The following OR2B11 variants were observed in gnomAD, a reference collection of about 807,000 sequenced individuals.
OR2B11 encodes the protein olfactory receptor 2B11.
For missense variants in OR2B11, 422 were observed against 400.0 expected (o/e 1.05, Z -0.47); for synonymous variants, 198 against 174.5 (o/e 1.13, Z -1.06).
At position 247,451,945 on chromosome 1, in the gene OR2B11, G is replaced by A. The variant is rs1664858265; in HGVS notation, c.38C>T (p.Pro13Leu). 9 of 1,589,440 alleles carry A rather than the reference G, an allele frequency of 5.7e-6. No homozygotes were observed. Among genetic ancestry groups the A allele is most frequent in the African/African-American group, 1.4e-5 (1 of 70,956 alleles). Residue 13 changes from proline to leucine, a missense_variant, in exon 2 of 2, where the codon CCT becomes CTT. Physicochemically the swap from Pro to Leu is moderately conservative, Grantham distance 98 (BLOSUM62 -3). Coordinates refer to ENST00000641149, the MANE Select transcript of OR2B11 (RefSeq NM_001004492.2). The part of the protein sequence containing the change: ...SDNHSFLGDS[P>L]KAFILLGVSD... ...CACACCCAGAAGGATGAAGGCTTTAGGGGAGTCCCCTAAGAAGCTATGGTT... is the reference window on the plus strand; with the variant it reads ...CACACCCAGAAGGATGAAGGCTTTAAGGGAGTCCCCTAAGAAGCTATGGTT...
rs1329216156 is a variant in OR2B11 at position 247,450,102 on chromosome 1, C to T, written c.*927G>A. On this transcript the variant is annotated 3_prime_UTR_variant, in exon 2 of 2. Coordinates refer to ENST00000641149, the MANE Select transcript of OR2B11 (RefSeq NM_001004492.2). ...CTCCCGGGTTCAAGCAATTCTCTGC[C>T]TCAGCCTCCTGAGTAGCTGGGATTA... 6.6e-6 allele frequency: 1 copy of T among 152,286 alleles called. No individual in the cohort carries two copies. Among genetic ancestry groups the T allele is most frequent in the East Asian group, 1.9e-4 (1 of 5,200 alleles). The allele number at this position is 152,286 out of a possible 1,614,324, so 9.4% of individuals were successfully genotyped here. A position where few individuals can be genotyped will look rare whatever the true frequency, so the allele number is the denominator to read the frequency against.
Position 247,451,184 on chromosome 1 carries a change from G to A in OR2B11, c.799C>T (p.Pro267Ser). The change falls in exon 2 of 2, where the codon CCT becomes TCT. Residue 267 changes from proline (P) to serine (S), a missense_variant. By Grantham distance (74) the Pro-to-Ser change is moderately conservative. Transcript: ENST00000641149. ...CCCTGCTCTTGGGAGTAGCTGGAAG[G>A]GGGCTGCAGATACATGTAAATCGCA... ...LPAIYMYLQP[P>S]SSYSQEQGKF... is the part of the protein sequence containing the mutation. 6.4e-7 allele frequency: 1 copy of A among 1,560,012 alleles called. No homozygotes were observed. The highest frequency in any genetic ancestry group is 1.2e-5 in the South Asian group (1 of 82,158).
In OR2B11 at chr1:247,451,298, C is replaced by G. The variant is rs1180740559; in HGVS notation, c.685G>C (p.Val229Leu). 1.2e-6 allele frequency: 2 copies of G among 1,614,010 alleles called. No homozygotes were observed. The highest frequency in any genetic ancestry group is 1.3e-5 in the African/African-American group (1 of 74,928). ...CCCTTGGAGGACTGGATCCTGAGCA[C>G]TGCCCGGGCAATAAAGCCATAGGAG... ...LLSYGFIARA[V>L]LRIQSSKGRH... The change falls in exon 2 of 2, where the codon GTG (valine) becomes CTG (leucine). Residue 229 changes from valine (V) to leucine (L), a missense_variant. Physicochemically the swap from Val to Leu is conservative, Grantham distance 32. Coordinates refer to ENST00000641149, the MANE Select transcript of OR2B11 (RefSeq NM_001004492.2).
rs1392040176 is a variant in OR2B11, at chr1:247,450,559, A to G, written c.*470T>C. ...AAAATCAAAATCACAGGAAGAAGAT[A>G]GCAATCTACTTCATTCCTGGAATTG... On this transcript the variant is annotated 3_prime_UTR_variant, in exon 2 of 2. Transcript: ENST00000641149. The G allele has an allele frequency of 6.6e-6, 1 of 152,526 alleles. No individual in the cohort carries two copies. The highest frequency in any genetic ancestry group is 1.5e-5 in the Non-Finnish European group (1 of 68,218). The allele number at this position is 152,526 out of a possible 1,614,324, so 9.4% of individuals were successfully genotyped here.
chr1:247,457,334 G>C (rs879755537), intron 1 of OR2B11, among the ~76,000 whole-genome samples: 6 of 152,058 alleles, frequency 3.9e-5, no homozygotes, highest in Admixed American at 3.9e-4. Context: ...GGAGGAAGCG[G>C]AGGAAAGGGA....
Position 247,451,971 on chromosome 1 carries a change from G to T in OR2B11, c.12C>A (p.Asp4Glu). The change falls in exon 2 of 2, where the codon GAC becomes GAA. Residue 4 changes from aspartate (D) to glutamate (E), a missense_variant. By Grantham distance (45) the Asp-to-Glu change is conservative (BLOSUM62 2). Coordinates refer to ENST00000641149, the MANE Select transcript of OR2B11 (RefSeq NM_001004492.2). MKS[D>E]NHSFLGDSPK... ...GGGAGTCCCCTAAGAAGCTATGGTT[G>T]TCACTTTTCATGTTGCGGCATTTTC... The T allele has an allele frequency of 6.2e-7, 1 of 1,602,394 alleles. No homozygotes were observed. The highest frequency in any genetic ancestry group is 8.5e-7 in the Non-Finnish European group (1 of 1,170,324).
In OR2B11 at chr1:247,451,700, T is replaced by C; in HGVS notation, c.283A>G (p.Thr95Ala). 3.1e-6 allele frequency: 5 copies of C among 1,614,116 alleles called. No individual in the cohort carries two copies. The highest frequency in any genetic ancestry group is 4.2e-6 in the Non-Finnish European group (5 of 1,179,974). ...ACAGTGCAGCCTCCATAGCTGATGG[T>C]CTTCTGGGAACTGCCCATGTTGACC... ...MLVNMGSSQK[T>A]ISYGGCTVQY... Residue 95 changes from threonine to alanine, a missense_variant, in exon 2 of 2, where the codon ACC becomes GCC. Coordinates refer to ENST00000641149, the MANE Select transcript of OR2B11 (RefSeq NM_001004492.2).
Position 247,451,038 on chromosome 1 carries a change from G to A in OR2B11, c.945C>T (p.Leu315=). 6.7e-7 allele frequency: 1 copy of A among 1,490,318 alleles called. No individual in the cohort carries two copies. The highest frequency in any genetic ancestry group is 9.0e-7 in the Non-Finnish European group (1 of 1,116,740). The allele number at this position is 1,490,318 out of a possible 1,614,324, so 92.3% of individuals were successfully genotyped here. A position where few individuals can be genotyped will look rare whatever the true frequency, so the allele number is the denominator to read the frequency against. Residue 315 remains leucine (L), a synonymous_variant, in exon 2 of 2, where the codon CTC becomes CTT. Transcript: ENST00000641149. ...LRRLLARIWR[L]CG ...ACATCTCATGTCCTCATCATCCACAGAGCCTCCAGATCCTGGCCAGAAGTC... is the reference window on the plus strand; with the variant it reads ...ACATCTCATGTCCTCATCATCCACAAAGCCTCCAGATCCTGGCCAGAAGTC...
Position 247,451,234 on chromosome 1 carries a change from A to G in OR2B11, c.749T>C (p.Met250Thr), listed in dbSNP as rs769112106. The G allele has an allele frequency of 1.7e-5, 27 of 1,602,982 alleles. 1 individual carries two copies. Among genetic ancestry groups the G allele is most frequent in the Middle Eastern group, 1.7e-4 (1 of 6,042 alleles). Residue 250 changes from methionine (M) to threonine (T), a missense_variant, in exon 2 of 2, where the codon ATG (methionine) becomes ACG (threonine). Transcript: ENST00000641149. ...KAFGTCSSHL[M>T]IVSLFYLPAI... ...AGGTAGGTAGAAGAGGGAGACGATC[A>G]TCAGGTGGGAGGAACACGTCCCAAA...
At position 247,449,969 on chromosome 1, in the gene OR2B11, A is replaced by G. The variant is rs1214697622; in HGVS notation, c.*1060T>C. Reference sequence around the variant, plus strand: ...TTTTATGGCTGAATAGTATTTTTCCATGGTATATATCTCACATTTTCTTTT... The same window carrying G: ...TTTTATGGCTGAATAGTATTTTTCCGTGGTATATATCTCACATTTTCTTTT... On this transcript the variant is annotated 3_prime_UTR_variant, in exon 2 of 2. Transcript: ENST00000641149. 1 of 151,974 alleles carries G rather than the reference A, an allele frequency of 6.6e-6. No homozygotes were observed. The highest frequency in any genetic ancestry group is 1.5e-5 in the Non-Finnish European group (1 of 68,008). The allele number at this position is 151,974 out of a possible 1,614,324, so 9.4% of individuals were successfully genotyped here. A position where few individuals can be genotyped will look rare whatever the true frequency, so the allele number is the denominator to read the frequency against.
In OR2B11 at chr1:247,450,896, G is replaced by A. The variant is rs186858568; in HGVS notation, c.*133C>T. ...CTATGGGATTTGGGGCATTATAACA[G>A]GAAGTGAGATGTTTGAAGACAGGGT... On this transcript the variant is annotated 3_prime_UTR_variant, in exon 2 of 2. Transcript: ENST00000641149. 2 of 500,966 alleles carry A rather than the reference G, an allele frequency of 4.0e-6. No homozygotes were observed. Among genetic ancestry groups the A allele is most frequent in the Non-Finnish European group, 7.0e-6 (2 of 286,336 alleles). The allele number at this position is 500,966 out of a possible 1,614,324, so 31.0% of individuals were successfully genotyped here.
intron 1 of OR2B11, among the ~76,000 whole-genome samples, chr1:247,456,396 C>T (rs1394116109): frequency 1.3e-5 from 2 of 152,188 alleles, no homozygotes; most frequent in Non-Finnish European, 2.9e-5. Flanking sequence ...ATCCTCCCAC[C>T]TTGGCCTCCC....
At position 247,449,225 on chromosome 1, in the gene OR2B11, G is replaced by C. The variant is rs571415711; in HGVS notation, c.*1804C>G. The C allele has an allele frequency of 6.6e-6, 1 of 152,238 alleles. No homozygotes were observed. The highest frequency in any genetic ancestry group is 1.5e-5 in the Non-Finnish European group (1 of 68,058). The allele number at this position is 152,238 out of a possible 1,614,324, so 9.4% of individuals were successfully genotyped here. ...TTCCATTGTAGATAATTTTTAAAACGTTACCTCACTCTAACTGTAATGAGT... is the reference window on the plus strand; with the variant it reads ...TTCCATTGTAGATAATTTTTAAAACCTTACCTCACTCTAACTGTAATGAGT... On this transcript the variant is annotated 3_prime_UTR_variant, in exon 2 of 2. Transcript: ENST00000641149.
In OR2B11 at chr1:247,451,714, C is replaced by A; in HGVS notation, c.269G>T (p.Gly90Val). Residue 90 changes from glycine to valine, a missense_variant, in exon 2 of 2, where the codon GGC (glycine) becomes GTC (valine). Gly to Val is a moderately radical substitution (Grantham distance 109, BLOSUM62 -3). Transcript: ENST00000641149. Reference protein sequence around the residue: ...TTVPQMLVNMGSSQKTISYGG... With the variant: ...TTVPQMLVNMVSSQKTISYGG... ...ATAGCTGATGGTCTTCTGGGAACTGCCCATGTTGACCAGCATCTGAGGGAC... is the reference window on the plus strand; with the variant it reads ...ATAGCTGATGGTCTTCTGGGAACTGACCATGTTGACCAGCATCTGAGGGAC... 6.2e-7 allele frequency: 1 copy of A among 1,614,160 alleles called. No homozygotes were observed. The highest frequency in any genetic ancestry group is 1.3e-5 in the African/African-American group (1 of 75,056).
Position 247,451,396 on chromosome 1 carries a change from G to T in OR2B11, c.587C>A (p.Thr196Asn). ...PAVIKLSCAD[T>N]AVNDTILAVL... ...AGCCAGTATGGTGTCATTCACAGCGGTGTCAGCACACGACAGCTTGATCAC... is the reference window on the plus strand; with the variant it reads ...AGCCAGTATGGTGTCATTCACAGCGTTGTCAGCACACGACAGCTTGATCAC... Residue 196 changes from threonine (T) to asparagine (N), a missense_variant, in exon 2 of 2, where the codon ACC becomes AAC. By Grantham distance (65) the Thr-to-Asn change is moderately conservative. Transcript: ENST00000641149. 6.2e-7 allele frequency: 1 copy of T among 1,614,156 alleles called. No homozygotes were observed. The highest frequency in any genetic ancestry group is 8.5e-7 in the Non-Finnish European group (1 of 1,180,034).
rs531499090 is a variant in OR2B11 at position 247,453,226 on chromosome 1, A to T, written c.-1244T>A. The T allele has an allele frequency of 2.6e-5, 4 of 152,308 alleles. No homozygotes were observed. The South Asian group carries it at 8.3e-4, about 32-fold the overall frequency. 9.4% of individuals were successfully genotyped at this position (152,308 alleles called of 1,614,324 possible). A position where few individuals can be genotyped will look rare whatever the true frequency, so the allele number is the denominator to read the frequency against. ...TGCATAGACTGTAAAACTAACGGAG[A>T]TCTGCTCAGCTTACATGTTGCAACA... is the stretch of plus-strand genomic sequence containing the variant. On this transcript the variant is annotated 5_prime_UTR_variant, in exon 2 of 2. Coordinates refer to ENST00000641149, the MANE Select transcript of OR2B11 (RefSeq NM_001004492.2).
Position 247,451,021 on chromosome 1 carries a change from T to C in OR2B11, c.*8A>G. ...TAATTGATGGAGATGCTACATCTCA[T>C]GTCCTCATCATCCACAGAGCCTCCA... On this transcript the variant is annotated 3_prime_UTR_variant, in exon 2 of 2. Coordinates refer to ENST00000641149, the MANE Select transcript of OR2B11 (RefSeq NM_001004492.2). 2 of 1,438,132 alleles carry C rather than the reference T, an allele frequency of 1.4e-6. No homozygotes were observed. The highest frequency in any genetic ancestry group is 9.3e-7 in the Non-Finnish European group (1 of 1,071,638). The allele number at this position is 1,438,132 out of a possible 1,614,324, so 89.1% of individuals were successfully genotyped here.
In OR2B11 at chr1:247,451,971, G is replaced by A. The variant is rs1204342720; in HGVS notation, c.12C>T (p.Asp4=). The change falls in exon 2 of 2, where the codon GAC becomes GAT. Residue 4 remains aspartate (D), a synonymous_variant. Transcript: ENST00000641149. MKS[D]NHSFLGDSPK... is the part of the protein sequence containing the mutation. ...GGGAGTCCCCTAAGAAGCTATGGTT[G>A]TCACTTTTCATGTTGCGGCATTTTC... 3.1e-6 allele frequency: 5 copies of A among 1,602,394 alleles called. No individual in the cohort carries two copies. The highest frequency in any genetic ancestry group is 4.3e-6 in the Non-Finnish European group (5 of 1,170,324).
Position 247,451,692 on chromosome 1 carries a change from G to A in OR2B11, c.291C>T (p.Ser97=). The change falls in exon 2 of 2, where the codon AGC becomes AGT. Residue 97 remains serine, a synonymous_variant. Coordinates refer to ENST00000641149, the MANE Select transcript of OR2B11 (RefSeq NM_001004492.2). ...VNMGSSQKTI[S]YGGCTVQYAV... ...CATATTGCACAGTGCAGCCTCCATA[G>A]CTGATGGTCTTCTGGGAACTGCCCA... 3 of 1,614,192 alleles carry A rather than the reference G, an allele frequency of 1.9e-6. No homozygotes were observed. The highest frequency in any genetic ancestry group is 2.5e-6 in the Non-Finnish European group (3 of 1,180,010).
Sources: gnomAD v4.1 joint callset for allele counts (sites outside exome capture counted in the v4.1 genomes callset) on GRCh38, gnomAD v4.1.1 for gene constraint, MANE v1.5 for transcripts, NCBI Gene and HGNC (gene_info 2026-07-23, HGNC 2026-07-21) for gene names.